Variants in TET1 observed in about 807,000 individuals in gnomAD.
TET1 encodes methylcytosine dioxygenase TET1.
Under a neutral mutation model 148.7 loss-of-function variants are expected in TET1, and 13 were observed. That is an observed-to-expected ratio of 0.09 (90% CI 0.06 to 0.14). The LOEUF (loss-of-function observed/expected upper bound fraction) is 0.14, where lower values mean the gene tolerates loss of function less well. Among genes scored for constraint, TET1 ranks in the 10% least tolerant of loss-of-function variants. The probability of loss-of-function intolerance (pLI) is 1.00; values close to 1 mark genes in which losing one functional copy is unlikely to be tolerated. For synonymous variants in TET1, 907 were observed against 937.2 expected (o/e 0.97, Z 0.59); for missense variants, 2,182 against 2,553.8 (o/e 0.85, Z 3.14).
At chr10:68,617,046 A>G (rs2054302440) in intron 3 of TET1, among the ~76,000 whole-genome samples, 1 of 34,094 alleles carries the variant, frequency 2.9e-5, no homozygotes. Context: ...TTTTTTTTTG[A>G]GACGGAGTCT....
At chr10:68,677,512 G>A (rs929215453) in intron 8 of TET1, among the ~76,000 whole-genome samples, 12 of 152,188 alleles carry the variant, frequency 7.9e-5, no homozygotes, top group African/African-American at 2.9e-4. Flanking sequence ...TGACCTGGAT[G>A]GAACTTATGT....
intron 3 of TET1, among the ~76,000 whole-genome samples, chr10:68,637,190 G>C (rs2054665819): frequency 1.3e-5 from 2 of 152,028 alleles, no homozygotes; most frequent in African/African-American, 4.8e-5. Flanking sequence ...GTAGAGATGG[G>C]TTTTCACTGT....
chr10:68,574,343 TG>T, intron 2 of TET1, 91 bp downstream of exon 2: 2 of 999,878 alleles, frequency 2.0e-6, no homozygotes, highest in Non-Finnish European at 2.9e-6. Flanking sequence ...AGTGTCTCTA[TG>T]TAATAGTGAA....
At chr10:68,663,612 T>C (rs889354188) in intron 6 of TET1, among the ~76,000 whole-genome samples, 1 of 152,224 alleles carries the variant, frequency 6.6e-6, no homozygotes, top group Admixed American at 6.5e-5. Context: ...CAAATAGGAC[T>C]GTAGAACAAT....
intron 6 of TET1, among the ~76,000 whole-genome samples, chr10:68,659,193 T>G (rs922585849): frequency 6.6e-6 from 1 of 152,170 alleles, no homozygotes; most frequent in Admixed American, 6.5e-5. Context: ...CAGAAGTAGG[T>G]AGAAGAAGTC....
At position 68,660,203 on chromosome 10, in the gene TET1, T is replaced by C. The variant is rs539097171; in HGVS notation, c.4462-6842T>C. 3.3e-5 allele frequency among the ~76,000 whole-genome samples: 5 copies of C among 152,302 alleles called. No homozygotes were observed. In the East Asian group the frequency reaches 9.6e-4, roughly 29 times the overall value. ...CCCTTTGGAAACCTTACAAATAAGA[T>C]TGTGTTACAGGGACTTATTTTTTGC... On this transcript the variant is annotated intron_variant, in intron 6 of 11. Transcript: ENST00000373644.
intron 3 of TET1, among the ~76,000 whole-genome samples, chr10:68,629,654 C>G (rs1309333415): frequency 6.6e-6 from 1 of 151,812 alleles, no homozygotes; most frequent in African/African-American, 2.4e-5. Flanking sequence ...CTGCCTCGGC[C>G]TCCCCTCCCA....
At chr10:68,672,843 T>C in intron 7 of TET1, 52 bp from the exon 8 acceptor site, 1 of 1,528,030 alleles carries the variant, frequency 6.5e-7, no homozygotes, top group Non-Finnish European at 8.9e-7. Flanking sequence ...ATGTTCTCTC[T>C]GAGGTATTGT....
At chr10:68,587,123 A>G (rs1013640168) in intron 2 of TET1, among the ~76,000 whole-genome samples, 1 of 152,182 alleles carries the variant, frequency 6.6e-6, no homozygotes, top group African/African-American at 2.4e-5. Flanking sequence ...CAGCGAGATG[A>G]CTATGCCGCA....
intron 2 of TET1, among the ~76,000 whole-genome samples, chr10:68,593,610 G>GTAT (rs1398790164): frequency 2.0e-5 from 3 of 151,382 alleles, no homozygotes; most frequent in Admixed American, 6.6e-5. Flanking sequence ...GCTAATTTTT[G>GTAT]TATTATTATT....
At chr10:68,622,210 C>CTTCCTTCCTTCCTTCT (rs2054384716) in intron 3 of TET1, among the ~76,000 whole-genome samples, 4 of 128,738 alleles carry the variant, frequency 3.1e-5, no homozygotes, top group African/African-American at 1.1e-4. Context: ...TCCTTCCTTC[C>CTTCCTTCCTTCCTTCT]TTCCTTCCTT....
In TET1 at chr10:68,598,158, G is replaced by A. The variant is rs926021282; in HGVS notation, c.1915-2823G>A. Reference sequence around the variant, plus strand: ...AATCCCAGCACTTTGGGAGGCCAAGGTGGGCGGCCCACCTGAGGTCAAGAG... The same window carrying A: ...AATCCCAGCACTTTGGGAGGCCAAGATGGGCGGCCCACCTGAGGTCAAGAG... On this transcript the variant is annotated intron_variant, in intron 2 of 11. Transcript: ENST00000373644. Among the ~76,000 whole-genome samples the A allele has an allele frequency of 3.3e-5, 5 of 152,332 alleles. No individual in the cohort carries two copies. The East Asian group carries it at 7.7e-4, about 23-fold the overall frequency.
chr10:68,691,889 T>C lies in TET1; in HGVS notation c.*75T>C, dbSNP rs1312297003. On this transcript the variant is annotated 3_prime_UTR_variant, in exon 12 of 12. Coordinates refer to ENST00000373644, the MANE Select transcript of TET1 (RefSeq NM_030625.3). This position sits in a 1 kb window ranked among gnomAD's most constrained non-coding sequence, Gnocchi z 4.4. ...AAGGTGCTGTTAAAAGAAAGTCATG[T>C]TGTCGTTTACTATCTTCATCTCACC... The C allele has an allele frequency of 1.3e-5, 20 of 1,495,360 alleles. No individual in the cohort carries two copies. The highest frequency in any genetic ancestry group is 1.8e-5 in the Non-Finnish European group (20 of 1,118,074). The allele number at this position is 1,495,360 out of a possible 1,614,324, so 92.6% of individuals were successfully genotyped here. A position where few individuals can be genotyped will look rare whatever the true frequency, so the allele number is the denominator to read the frequency against.
At chr10:68,652,900 C>T (rs2054960684) in intron 6 of TET1, among the ~76,000 whole-genome samples, 1 of 142,962 alleles carries the variant, frequency 7.0e-6, no homozygotes, top group Non-Finnish European at 1.5e-5. Context: ...CCTCCCGCCT[C>T]AGTCCCCTAA....
intron 3 of TET1, among the ~76,000 whole-genome samples, chr10:68,611,639 AG>A (rs2054212053): frequency 7.1e-6 from 1 of 141,658 alleles, no homozygotes; most frequent in Admixed American, 7.2e-5. Context: ...GCCAATTGTC[AG>A]AGACCCTTTC....
At chr10:68,682,537 T>G (rs1191192525) in intron 9 of TET1, among the ~76,000 whole-genome samples, 3 of 152,224 alleles carry the variant, frequency 2.0e-5, no homozygotes, top group Non-Finnish European at 2.9e-5. Context: ...TTTATTGGTC[T>G]TTCTTTCTAA....
rs532207596 is a variant in TET1 at position 68,614,580 on chromosome 10, C to T, written c.1968+13546C>T. ...AGGGTGGAGTGTGGTGGCACGATCT[C>T]AGCTCACTGCAACCTAACCTTCACC... On this transcript the variant is annotated intron_variant, in intron 3 of 11. Coordinates refer to ENST00000373644, the MANE Select transcript of TET1 (RefSeq NM_030625.3). Among the ~76,000 whole-genome samples, 3 of 152,262 alleles carry T rather than the reference C, an allele frequency of 2.0e-5. No individual in the cohort carries two copies. The South Asian group carries it at 6.2e-4, about 32-fold the overall frequency.
At chr10:68,563,377 C>T (rs140546426) in intron 1 of TET1, among the ~76,000 whole-genome samples, 2 of 152,352 alleles carry the variant, frequency 1.3e-5, no homozygotes, top group Admixed American at 6.5e-5. Context: ...GAGCCAGGTG[C>T]TGCCTTTTTT....
chr10:68,694,339 A>C lies in TET1; in HGVS notation c.*2525A>C. The C allele has an allele frequency of 4.3e-6, 1 of 232,758 alleles. No individual in the cohort carries two copies. The highest frequency in any genetic ancestry group is 8.5e-6 in the Non-Finnish European group (1 of 117,778). The allele number at this position is 232,758 out of a possible 1,614,324, so 14.4% of individuals were successfully genotyped here. A position where few individuals can be genotyped will look rare whatever the true frequency, so the allele number is the denominator to read the frequency against. On this transcript the variant is annotated 3_prime_UTR_variant, in exon 12 of 12. Coordinates refer to ENST00000373644, the MANE Select transcript of TET1 (RefSeq NM_030625.3). Reference sequence around the variant, plus strand: ...TCTTTCCTGATTTTAACAATTTACCATCCCATTCTCTGCCCTGTGATTTTT... The same window carrying C: ...TCTTTCCTGATTTTAACAATTTACCCTCCCATTCTCTGCCCTGTGATTTTT...
Sources: allele counts gnomAD v4.1 joint callset (sites outside exome capture counted in the v4.1 genomes callset), GRCh38; gene constraint gnomAD v4.1.1; non-coding constraint Gnocchi (gnomAD v3.1); transcripts MANE v1.5; gene names NCBI Gene and HGNC (gene_info 2026-07-23, HGNC 2026-07-21).